Variants in SND1 observed in about 807,000 individuals in gnomAD.
The protein encoded by SND1 is staphylococcal nuclease domain-containing protein 1.
SND1 carries 38 observed loss-of-function variants against 121.7 expected under a neutral mutation model. The observed-to-expected ratio is 0.31, with a 90% CI of 0.24 to 0.41. The LOEUF is 0.41. Ranked by LOEUF, SND1 falls within the 10% of genes least tolerant of loss-of-function variation. SND1 has a pLI of 1.00. For synonymous variants in SND1, 401 were observed against 447.4 expected (o/e 0.90, Z 1.31); for missense variants, 868 against 1,184.6 (o/e 0.73, Z 3.92).
intron 22 of SND1, among the ~76,000 whole-genome samples, chr7:128,090,114 G>C (rs1044263226): frequency 6.6e-6 from 1 of 152,088 alleles, no homozygotes; most frequent in Non-Finnish European, 1.5e-5. Context: ...AGCACCAAAG[G>C]GCCCAGAAAG....
chr7:128,042,045 G>A (rs1321573858), intron 16 of SND1, among the ~76,000 whole-genome samples: 2 of 152,166 alleles, frequency 1.3e-5, no homozygotes, highest in African/African-American at 4.8e-5. Context: ...ATGATGCCTA[G>A]ACACTGGCAG....
At chr7:128,063,611 C>T (rs1233707631) in intron 16 of SND1, among the ~76,000 whole-genome samples, 1 of 152,252 alleles carries the variant, frequency 6.6e-6, no homozygotes, top group African/African-American at 2.4e-5. Context: ...TTTTGCCTTT[C>T]CTCATCTATT....
chr7:127,790,648 G>A (rs1797890523), intron 10 of SND1, among the ~76,000 whole-genome samples: 1 of 152,188 alleles, frequency 6.6e-6, no homozygotes, highest in Non-Finnish European at 1.5e-5. Flanking sequence ...TCAAAAAGGT[G>A]AGCAAGATGC....
intron 9 of SND1, among the ~76,000 whole-genome samples, chr7:127,711,718 AT>A (rs1254039597): frequency 4.0e-5 from 6 of 151,210 alleles, no homozygotes; most frequent in Admixed American, 3.9e-4. Flanking sequence ...TGGTTGTTGG[AT>A]TTTGTGGGCT....
chr7:128,077,240 A>G (rs2117054247), intron 17 of SND1, among the ~76,000 whole-genome samples: 1 of 152,366 alleles, frequency 6.6e-6, no homozygotes, highest in East Asian at 1.9e-4. Context: ...GAAAGACTCC[A>G]GCCAGTGGAT....
intron 13 of SND1, among the ~76,000 whole-genome samples, chr7:127,894,129 G>GT (rs1305208876): frequency 1.3e-5 from 2 of 152,050 alleles, no homozygotes; most frequent in Non-Finnish European, 2.9e-5. Context: ...TATTAAGAGG[G>GT]ATTCAGTATT....
Position 127,664,315 on chromosome 7 carries a change from T to G in SND1, c.78+11864T>G, listed in dbSNP as rs534872713. On this transcript the variant is annotated intron_variant, in intron 1 of 23. Coordinates refer to ENST00000354725, the MANE Select transcript of SND1 (RefSeq NM_014390.4). Reference sequence around the variant, plus strand: ...AACCACACTTGAGTTAATGAGTGACTCTGGGAAGCTCCTAAGTGTGAGTGG... The same window carrying G: ...AACCACACTTGAGTTAATGAGTGACGCTGGGAAGCTCCTAAGTGTGAGTGG... Among the ~76,000 whole-genome samples, 6 of 152,310 alleles carry G rather than the reference T, an allele frequency of 3.9e-5. No individual in the cohort carries two copies. In the South Asian group the frequency reaches 1.2e-3, roughly 32 times the overall value.
intron 18 of SND1, among the ~76,000 whole-genome samples, chr7:128,084,226 C>T (rs765695978): frequency 2.6e-5 from 4 of 152,210 alleles, no homozygotes; most frequent in Admixed American, 6.5e-5. Flanking sequence ...GGGGCCCATC[C>T]TTCATCCCTA....
chr7:127,733,668 A>G (rs1796719983), intron 10 of SND1, among the ~76,000 whole-genome samples: 1 of 152,222 alleles, frequency 6.6e-6, no homozygotes, highest in Non-Finnish European at 1.5e-5. Context: ...ACGAGCTCCA[A>G]GCCTTCTGGG....
chr7:127,679,771 CTT>C (rs888947538), intron 1 of SND1, among the ~76,000 whole-genome samples: 3 of 152,196 alleles, frequency 2.0e-5, no homozygotes, highest in African/African-American at 4.8e-5. Context: ...TACGCAATCT[CTT>C]TTTATTTCTG....
chr7:128,030,889 C>G (rs968457547), intron 16 of SND1: 3 of 417,788 alleles, frequency 7.2e-6, no homozygotes, highest in Non-Finnish European at 1.3e-5. Context: ...TGCAACCGTC[C>G]CCACCCAGTT....
At chr7:128,080,362 G>A (rs1211688950) in intron 17 of SND1, among the ~76,000 whole-genome samples, 1 of 152,256 alleles carries the variant, frequency 6.6e-6, no homozygotes, top group Non-Finnish European at 1.5e-5. Flanking sequence ...AGCCCTGACA[G>A]CACAGGGCTT....
chr7:128,033,011 G>C (rs1227171120), intron 16 of SND1, among the ~76,000 whole-genome samples: 2 of 152,200 alleles, frequency 1.3e-5, no homozygotes, highest in Non-Finnish European at 2.9e-5. Flanking sequence ...TGCAGCCGCG[G>C]CTTCTCAGTC....
intron 15 of SND1, among the ~76,000 whole-genome samples, chr7:127,976,389 C>A (rs1380126773): frequency 6.6e-6 from 1 of 152,252 alleles, no homozygotes; most frequent in Non-Finnish European, 1.5e-5. Context: ...AAAATAAAGA[C>A]CAGATGCGGG....
chr7:127,909,655 C>A (rs960173159), intron 14 of SND1, among the ~76,000 whole-genome samples: 14 of 152,126 alleles, frequency 9.2e-5, no homozygotes, highest in Non-Finnish European at 1.5e-4. Context: ...CAATCTGAAA[C>A]CCCTGGCCTC....
intron 16 of SND1, among the ~76,000 whole-genome samples, chr7:128,065,690 G>T (rs1207985075): frequency 1.3e-5 from 2 of 152,236 alleles, no homozygotes; most frequent in African/African-American, 4.8e-5. Flanking sequence ...CTTTGGCTGG[G>T]CCTGGGAGAA....
intron 10 of SND1, among the ~76,000 whole-genome samples, chr7:127,743,623 T>G (rs955545282): frequency 3.9e-5 from 6 of 152,208 alleles, no homozygotes; most frequent in Admixed American, 3.3e-4. Context: ...AGTGATTGGA[T>G]TCAGTAAGTC....
intron 10 of SND1, among the ~76,000 whole-genome samples, chr7:127,788,564 T>G (rs1797854042): frequency 6.6e-6 from 1 of 152,220 alleles, no homozygotes; most frequent in Non-Finnish European, 1.5e-5. Flanking sequence ...CTTGAAAGAT[T>G]CGTGTACATT....
rs146302266 is a variant in SND1 at position 127,751,530 on chromosome 7, G to A, written c.1152+30130G>A. The stretch of plus-strand genomic sequence containing the variant: ...TTTAGAATGGGGAAGGTTTTCTGAG[G>A]CTTACCAGTTAAAAAAGGAAGTTGG... On this transcript the variant is annotated intron_variant, in intron 10 of 23. Transcript: ENST00000354725. Among the ~76,000 whole-genome samples, 290 of 152,274 alleles carry A rather than the reference G, an allele frequency of 1.9e-3. 3 individuals are homozygous for A. Among genetic ancestry groups the A allele is most frequent in the African/African-American group, 6.5e-3 (272 of 41,548 alleles).
Sources: gnomAD v4.1 joint callset for allele counts (sites outside exome capture counted in the v4.1 genomes callset) on GRCh38, gnomAD v4.1.1 for gene constraint, MANE v1.5 for transcripts, NCBI Gene and HGNC (gene_info 2026-07-23, HGNC 2026-07-21) for gene names.